LRP5: variants seen among roughly 807,000 people sequenced by gnomAD.
The protein encoded by LRP5 is low-density lipoprotein receptor-related protein 5.
LRP5 carries 62 observed loss-of-function variants against 154.1 expected under a neutral mutation model. That is an observed-to-expected ratio of 0.40 (90% confidence interval 0.33 to 0.50). LRP5 has a LOEUF of 0.50. Ranked by LOEUF, LRP5 falls within the 20% of genes least tolerant of loss-of-function variation. The probability of loss-of-function intolerance (pLI) is 0.55; values close to 1 mark genes in which losing one functional copy is unlikely to be tolerated. For missense variants in LRP5, 1,915 were observed against 2,336.7 expected (o/e 0.82, Z 3.72); for synonymous variants, 966 against 1,011.5 (o/e 0.96, Z 0.85).
intron 21 of LRP5, among the ~76,000 whole-genome samples, chr11:68,442,580 A>T (rs1202198192): frequency 6.6e-6 from 1 of 152,180 alleles, no homozygotes; most frequent in Non-Finnish European, 1.5e-5. Context: ...CTGGGCTGAC[A>T]TATGTGTTTT....
intron 1 of LRP5, among the ~76,000 whole-genome samples, chr11:68,320,067 G>A (rs1409457486): frequency 6.6e-6 from 1 of 152,114 alleles, no homozygotes; most frequent in Non-Finnish European, 1.5e-5. Flanking sequence ...AGGCTGAGGT[G>A]GGAAAATCTA....
chr11:68,360,957 A>G (rs2098627410), intron 3 of LRP5, among the ~76,000 whole-genome samples: 1 of 120,734 alleles, frequency 8.3e-6, no homozygotes, highest in Non-Finnish European at 1.6e-5. Context: ...AGATCCCGCC[A>G]CTGCACTCCA....
intron 3 of LRP5, among the ~76,000 whole-genome samples, chr11:68,358,100 T>C (rs2098624735): frequency 6.6e-6 from 1 of 151,828 alleles, no homozygotes; most frequent in South Asian, 2.1e-4. Context: ...CCCACACCCA[T>C]GCACAGTTTT....
In LRP5 at chr11:68,313,876, G is replaced by A. The variant is rs548817489; in HGVS notation, c.91+1071G>A. On this transcript the variant is annotated intron_variant, in intron 1 of 22. Coordinates refer to ENST00000294304, the MANE Select transcript of LRP5 (RefSeq NM_002335.4). ...ATTTCCAGTGTGAATGGTGCAGCGG[G>A]GTGGCCCTGTAGTCAGATCCCCCAG... 1.1e-4 allele frequency among the ~76,000 whole-genome samples: 17 copies of A among 152,308 alleles called. No homozygotes were observed. The East Asian group carries it at 3.3e-3, about 29-fold the overall frequency.
In LRP5 at chr11:68,400,199, C is replaced by T. The variant is rs573726179; in HGVS notation, c.1585-3284C>T. The stretch of plus-strand genomic sequence containing the variant: ...CTCCTCTCACTTTGTTTTGGGGCCA[C>T]CTGGGAGTGTGGAGCAAGGGTAGAG... On this transcript the variant is annotated intron_variant, in intron 7 of 22. Transcript: ENST00000294304. Among the ~76,000 whole-genome samples, 36 of 152,206 alleles carry T rather than the reference C, an allele frequency of 2.4e-4. No individual in the cohort carries two copies. In the East Asian group the frequency reaches 5.2e-3, roughly 22 times the overall value.
intron 5 of LRP5, among the ~76,000 whole-genome samples, chr11:68,373,542 C>T (rs74603022): frequency 6.7e-4 from 102 of 152,322 alleles, no homozygotes; most frequent in African/African-American, 2.4e-3. Context: ...TCCCACGAGC[C>T]TCTGCCGCCC....
In LRP5 at chr11:68,365,710, G is replaced by A. The variant is rs755280434; in HGVS notation, c.1015+8G>A. 30 of 1,598,608 alleles carry A rather than the reference G, an allele frequency of 1.9e-5. No homozygotes were observed. The Middle Eastern group carries it at 6.0e-4, about 32-fold the overall frequency. ...GCAGGACGTGTAAGGCAGGTGAGGC[G>A]GTGGGACGGGACGGGGCGGGCGGGC... On this transcript the variant is annotated splice_region_variant and intron_variant, in intron 5 of 22. Transcript: ENST00000294304.
At chr11:68,392,943 T>G (rs940899047) in intron 7 of LRP5, among the ~76,000 whole-genome samples, 4 of 152,098 alleles carry the variant, frequency 2.6e-5, no homozygotes, top group African/African-American at 9.7e-5. Context: ...CTGGCCAGCC[T>G]AGCAAGACCC....
At chr11:68,368,564 G>T (rs960713596) in intron 5 of LRP5, among the ~76,000 whole-genome samples, 1 of 152,178 alleles carries the variant, frequency 6.6e-6, no homozygotes, top group African/African-American at 2.4e-5. Context: ...ATTTTGCAGC[G>T]GTCCCCGCAA....
In LRP5 at chr11:68,386,948, T is replaced by C. The variant is rs1750496797; in HGVS notation, c.1412+236T>C. 6.6e-6 allele frequency among the ~76,000 whole-genome samples: 1 copy of C among 152,110 alleles called. No homozygotes were observed. The highest frequency in any genetic ancestry group is 1.5e-5 in the Non-Finnish European group (1 of 68,012). On this transcript the variant is annotated intron_variant, in intron 6 of 22. Transcript: ENST00000294304. This position sits in a 1 kb window ranked among gnomAD's most constrained non-coding sequence, Gnocchi z 7.9. ...CCAGTGGTCCGGTGCTGCTGCTGGG[T>C]CCATGCGTAGAAAGCCCTGGAGACC... is the stretch of plus-strand genomic sequence containing the variant.
Position 68,413,856 on chromosome 11 carries a change from G to A in LRP5, c.2671G>A (p.Asp891Asn). The A allele has an allele frequency of 6.2e-7, 1 of 1,613,574 alleles. No individual in the cohort carries two copies. The change falls in exon 12 of 23, where the codon GAC becomes AAC. Residue 891 changes from aspartate to asparagine, a missense_variant. Transcript: ENST00000294304. The surrounding 1 kb of genome is among the most constrained non-coding windows in gnomAD (Gnocchi z 5.1). ...LIQGHLDFVMDILVFHSSRQD... is the reference protein window; with the variant it reads ...LIQGHLDFVMNILVFHSSRQD... ...CCAGGGCCACCTGGACTTCGTGATG[G>A]ACATCCTGGTGTTCCACTCCTCCCG...
chr11:68,298,742 G>C, the LRP5 span, among the ~76,000 whole-genome samples: 1 of 152,144 alleles, frequency 6.6e-6, no homozygotes, highest in African/African-American at 2.4e-5. Context: ...GGCCTTCACG[G>C]GGCTGGTGCA....
At chr11:68,407,989 G>A (rs2098656724) in intron 9 of LRP5, among the ~76,000 whole-genome samples, 1 of 152,174 alleles carries the variant, frequency 6.6e-6, no homozygotes, top group African/African-American at 2.4e-5. Context: ...CCCCTTTACA[G>A]AAAAAGTGTG....
intron 2 of LRP5, among the ~76,000 whole-genome samples, chr11:68,350,316 C>T (rs2098617170): frequency 6.6e-6 from 1 of 152,340 alleles, no homozygotes; most frequent in South Asian, 2.1e-4. Context: ...GGATTGCAGG[C>T]GTGAGCCACT....
intron 21 of LRP5, among the ~76,000 whole-genome samples, chr11:68,441,796 G>C (rs764012560): frequency 7.2e-5 from 11 of 152,196 alleles, no homozygotes; most frequent in Admixed American, 2.0e-4. Flanking sequence ...ACAGTTCAGT[G>C]GGTTTTAGTG....
chr11:68,396,971 T>C (rs1028046803), intron 7 of LRP5, among the ~76,000 whole-genome samples: 6 of 152,178 alleles, frequency 3.9e-5, no homozygotes, highest in Admixed American at 3.3e-4. Context: ...AGCTGCCTCT[T>C]CTCACCGTTT....
chr11:68,321,058 G>GTTTTTTTTTT (rs36049256), intron 1 of LRP5, among the ~76,000 whole-genome samples: 2 of 119,794 alleles, frequency 1.7e-5, no homozygotes, highest in African/African-American at 3.5e-5. Flanking sequence ...TTCTGTCTGG[G>GTTTTTTTTTT]TTTTTTTTTT....
chr11:68,411,074 G>A (rs994117825), intron 10 of LRP5, among the ~76,000 whole-genome samples: 1 of 152,164 alleles, frequency 6.6e-6, no homozygotes, highest in Non-Finnish European at 1.5e-5. Flanking sequence ...CTTGTTTTGT[G>A]ATGTGCTTGT....
intron 2 of LRP5, among the ~76,000 whole-genome samples, chr11:68,350,901 T>C (rs2098617820): frequency 6.6e-6 from 1 of 152,044 alleles, no homozygotes; most frequent in Admixed American, 6.6e-5. Context: ...CGTGTGTGTG[T>C]GTGTGTGCGT....
Sources: gnomAD v4.1 joint callset for allele counts (sites outside exome capture counted in the v4.1 genomes callset) on GRCh38, gnomAD v4.1.1 for gene constraint, Gnocchi (gnomAD v3.1) non-coding constraint, MANE v1.5 for transcripts, NCBI Gene and HGNC (gene_info 2026-07-23, HGNC 2026-07-21) for gene names.